Variants in LMOD3 observed in about 807,000 individuals in gnomAD.
LMOD3 encodes leiomodin-3.
A neutral mutation model predicts 41.8 loss-of-function variants in LMOD3; 31 were observed. That is an observed-to-expected ratio of 0.74 (90% CI 0.56 to 1.00). The LOEUF is 1.00. Among genes scored for constraint, LMOD3 ranks in the 50% least tolerant of loss-of-function variants. The pLI is 0.00. For synonymous variants in LMOD3, 292 were observed against 241.9 expected (o/e 1.21, Z -1.92); for missense variants, 755 against 679.5 (o/e 1.11, Z -1.23).
At position 69,122,135 on chromosome 3, in the gene LMOD3, C is replaced by A; in HGVS notation, c.252G>T (p.Met84Ile). ...TGACAGGAACTCGTTCCTCTTCCAG[C>A]ATGCGCCTGGATGCCTTTTCCCAAT... ...YMYWEKASRR[M>I]LEEERVPVTF... The change falls in exon 1 of 3, where the codon ATG (methionine) becomes ATT (isoleucine). Residue 84 changes from methionine to isoleucine, a missense_variant. Transcript: ENST00000420581. 1.2e-6 allele frequency: 2 copies of A among 1,612,742 alleles called. No homozygotes were observed. The highest frequency in any genetic ancestry group is 2.2e-5 in the South Asian group (2 of 90,736).
In LMOD3 at chr3:69,108,056, G is replaced by C. The variant is rs747000777; in HGVS notation, c.*1039C>G. The C allele has an allele frequency of 6.6e-6, 1 of 152,148 alleles. No homozygotes were observed. The highest frequency in any genetic ancestry group is 2.4e-5 in the African/African-American group (1 of 41,422). 9.4% of individuals were successfully genotyped at this position (152,148 alleles called of 1,614,324 possible). A position where few individuals can be genotyped will look rare whatever the true frequency, so the allele number is the denominator to read the frequency against. ...AGGGTGTGCACAAGGATGTTTCATCGAGTAGAGTATAAAGGATTTGTGGGA... is the reference window on the plus strand; with the variant it reads ...AGGGTGTGCACAAGGATGTTTCATCCAGTAGAGTATAAAGGATTTGTGGGA... On this transcript the variant is annotated 3_prime_UTR_variant, in exon 3 of 3. Coordinates refer to ENST00000420581, the MANE Select transcript of LMOD3 (RefSeq NM_198271.5).
chr3:69,115,507 C>A (rs1359229849), intron 2 of LMOD3, among the ~76,000 whole-genome samples: 3 of 126,356 alleles, frequency 2.4e-5, no homozygotes, highest in Non-Finnish European at 5.2e-5. Flanking sequence ...CACACACACA[C>A]ACACACACAC....
In LMOD3 at chr3:69,117,833, G is replaced by GCTTTTT. The variant is rs1553687593; in HGVS notation, c.1656+865_1656+866insAAAAAG. ...ACAAACAACTGGCCCAATTTGGGTG[G>GCTTTTT]TTTTTTTTTTTTTTTTTTAGATGGA... On this transcript the variant is annotated intron_variant, in intron 2 of 2. Transcript: ENST00000420581. Among the ~76,000 whole-genome samples the GCTTTTT allele has an allele frequency of 2.3e-4, 30 of 132,158 alleles. 1 individual carries two copies. In the Admixed American group the frequency reaches 2.3e-3, roughly 10 times the overall value. The allele number at this position is 132,158 out of a possible 152,430, so 86.7% of individuals were successfully genotyped here. A position where few individuals can be genotyped will look rare whatever the true frequency, so the allele number is the denominator to read the frequency against.
In LMOD3 at chr3:69,122,384, CATT is replaced by C. The variant is rs749434195; in HGVS notation, c.-1_2del. 6.4e-7 allele frequency: 1 copy of C among 1,559,156 alleles called. No individual in the cohort carries two copies. Among genetic ancestry groups the C allele is most frequent in the Non-Finnish European group, 8.7e-7 (1 of 1,149,744 alleles). ...GATCTGAATTTCTGCTGTGCTCTGA[CATT>C]ATTTTTTCTAAATATTATTTTACTA... On this transcript the variant is annotated start_lost and start_retained_variant and 5_prime_UTR_variant, in exon 1 of 3. Coordinates refer to ENST00000420581, the MANE Select transcript of LMOD3 (RefSeq NM_198271.5).
intron 1 of LMOD3, among the ~76,000 whole-genome samples, 200 bp from the exon 2 acceptor site, chr3:69,120,260 ATTAATT>A (rs1191762735): frequency 6.6e-6 from 1 of 152,154 alleles, no homozygotes; most frequent in Non-Finnish European, 1.5e-5. Context: ...AGGAAACCTT[ATTAATT>A]TTAATATTCT....
chr3:69,122,140 G>C lies in LMOD3; in HGVS notation c.247C>G (p.Arg83Gly). 13 of 1,612,496 alleles carry C rather than the reference G, an allele frequency of 8.1e-6. No individual in the cohort carries two copies. Among genetic ancestry groups the C allele is most frequent in the Non-Finnish European group, 1.1e-5 (13 of 1,179,280 alleles). ...GGAACTCGTTCCTCTTCCAGCATGC[G>C]CCTGGATGCCTTTTCCCAATACATA... ...DYMYWEKASRRMLEEERVPVT... is the reference protein window; with the variant it reads ...DYMYWEKASRGMLEEERVPVT... The change falls in exon 1 of 3, where the codon CGC becomes GGC. Residue 83 changes from arginine (R) to glycine (G), a missense_variant. Arg to Gly is a moderately radical substitution (Grantham distance 125). Transcript: ENST00000420581.
At chr3:69,109,226 G>A in intron 2 of LMOD3, 105 bp from the exon 3 acceptor site, 1 of 1,071,430 alleles carries the variant, frequency 9.3e-7, no homozygotes, top group Non-Finnish European at 1.4e-6. Context: ...TACAGAATAG[G>A]TTTGAAATTC....
At chr3:69,111,425 G>A (rs58682315) in intron 2 of LMOD3, among the ~76,000 whole-genome samples, 1,883 of 152,242 alleles carry the variant, frequency 0.012, 49 homozygotes, top group African/African-American at 0.042. Context: ...CATGAGCCAG[G>A]TATTTAAAAT....
In LMOD3 at chr3:69,122,331, T is replaced by C. The variant is rs769663073; in HGVS notation, c.56A>G (p.Asn19Ser). The part of the protein sequence containing the change: ...DQEELLDEEI[N>S]EDEILANLSA... ...CAAGTTGGCCAAGATTTCATCTTCA[T>C]TAATCTCCTCATCGAGAAGTTCTTC... Residue 19 changes from asparagine (N) to serine (S), a missense_variant, in exon 1 of 3, where the codon AAT becomes AGT. Asn to Ser is a conservative substitution (Grantham distance 46). Coordinates refer to ENST00000420581, the MANE Select transcript of LMOD3 (RefSeq NM_198271.5). The C allele has an allele frequency of 5.0e-6, 8 of 1,613,008 alleles. No individual in the cohort carries two copies. The highest frequency in any genetic ancestry group is 6.8e-6 in the Non-Finnish European group (8 of 1,179,294).
intron 2 of LMOD3, among the ~76,000 whole-genome samples, chr3:69,113,530 A>G (rs558751360): frequency 1.3e-5 from 2 of 152,328 alleles, no homozygotes; most frequent in South Asian, 4.1e-4. Context: ...AACAACCCCT[A>G]ATGTGTCATG....
At position 69,119,211 on chromosome 3, in the gene LMOD3, G is replaced by A. The variant is rs74350755; in HGVS notation, c.1144C>T (p.Pro382Ser). 2,215 of 1,613,864 alleles carry A rather than the reference G, an allele frequency of 1.4e-3. 27 individuals carry two copies. In the African/African-American group the frequency reaches 0.025, roughly 18 times the overall value. ...KMGYHFELPG[P>S]RMVVTNLLTR... Reference sequence around the variant, plus strand: ...AGCAGATTAGTGACCACCATTCTGGGACCCGGAAGCTCAAAATGGTAGCCC... The same window carrying A: ...AGCAGATTAGTGACCACCATTCTGGAACCCGGAAGCTCAAAATGGTAGCCC... Residue 382 changes from proline (P) to serine (S), a missense_variant, in exon 2 of 3, where the codon CCC (proline) becomes TCC (serine). By Grantham distance (74) the Pro-to-Ser change is moderately conservative. Coordinates refer to ENST00000420581, the MANE Select transcript of LMOD3 (RefSeq NM_198271.5).
Position 69,107,076 on chromosome 3 carries a change from G to A in LMOD3, c.*2019C>T, listed in dbSNP as rs2092325945. ...AAAGTGCTTTTCCTATCAGAGTTTA[G>A]CCTCTTAGATGTAGTATGTGCTAGA... On this transcript the variant is annotated 3_prime_UTR_variant, in exon 3 of 3. Coordinates refer to ENST00000420581, the MANE Select transcript of LMOD3 (RefSeq NM_198271.5). 1.3e-5 allele frequency: 2 copies of A among 151,858 alleles called. No homozygotes were observed. The highest frequency in any genetic ancestry group is 4.8e-5 in the African/African-American group (2 of 41,370). The allele number at this position is 151,858 out of a possible 1,614,324, so 9.4% of individuals were successfully genotyped here. A position where few individuals can be genotyped will look rare whatever the true frequency, so the allele number is the denominator to read the frequency against.
chr3:69,118,997 C>A lies in LMOD3; in HGVS notation c.1358G>T (p.Arg453Leu). The change falls in exon 2 of 3, where the codon CGG (arginine) becomes CTG (leucine). Residue 453 changes from arginine (R) to leucine (L), a missense_variant. Coordinates refer to ENST00000420581, the MANE Select transcript of LMOD3 (RefSeq NM_198271.5). ...MQEFFQPPPPRPPNPQNVPFS... is the reference protein window; with the variant it reads ...MQEFFQPPPPLPPNPQNVPFS... ...GGGGACATTTTGGGGGTTGGGAGGC[C>A]GAGGTGGCGGTGGCTGGAAGAATTC... is the stretch of plus-strand genomic sequence containing the variant. The A allele has an allele frequency of 1.2e-6, 2 of 1,613,422 alleles. No homozygotes were observed. The highest frequency in any genetic ancestry group is 8.5e-7 in the Non-Finnish European group (1 of 1,179,790).
At position 69,119,377 on chromosome 3, in the gene LMOD3, C is replaced by T; in HGVS notation, c.978G>A (p.Gly326=). 6.2e-7 allele frequency: 1 copy of T among 1,613,976 alleles called. No individual in the cohort carries two copies. The highest frequency in any genetic ancestry group is 8.5e-7 in the Non-Finnish European group (1 of 1,179,882). Residue 326 remains glycine (G), a synonymous_variant, in exon 2 of 3, where the codon GGG becomes GGA. Transcript: ENST00000420581. ...NIESNFITGK[G]IVAIMRCLQF... ...GGAGACACCTCATGATGGCCACAATCCCTTTACCTGTGATGAAATTGGACT... is the reference window on the plus strand; with the variant it reads ...GGAGACACCTCATGATGGCCACAATTCCTTTACCTGTGATGAAATTGGACT...
chr3:69,113,699 C>T (rs767508448), intron 2 of LMOD3, among the ~76,000 whole-genome samples: 27 of 152,260 alleles, frequency 1.8e-4, no homozygotes, highest in Admixed American at 2.6e-4. Context: ...AGTTATCTTG[C>T]GTGATTGGCA....
intron 2 of LMOD3, among the ~76,000 whole-genome samples, chr3:69,113,931 T>TA (rs2092360331): frequency 6.6e-6 from 1 of 152,216 alleles, no homozygotes. Context: ...TCAGCTTTAT[T>TA]AACTCATAGG....
chr3:69,113,021 C>G (rs1449944917), intron 2 of LMOD3, among the ~76,000 whole-genome samples: 1 of 152,156 alleles, frequency 6.6e-6, no homozygotes, highest in Non-Finnish European at 1.5e-5. Context: ...CCTATGGAGG[C>G]TCCCTTCATT....
At chr3:69,111,940 AC>A in intron 2 of LMOD3, among the ~76,000 whole-genome samples, 1 of 152,388 alleles carries the variant, frequency 6.6e-6, no homozygotes, top group Non-Finnish European at 1.5e-5. Context: ...TTAAAAATTA[AC>A]CCTTTAATCT....
rs758216222 is a variant in LMOD3 at position 69,119,917 on chromosome 3, T to G, written c.438A>C (p.Glu146Asp). 2 of 1,553,224 alleles carry G rather than the reference T, an allele frequency of 1.3e-6. No individual in the cohort carries two copies. Among genetic ancestry groups the G allele is most frequent in the South Asian group, 2.4e-5 (2 of 85,014 alleles). ...CATCATCATCTTCTTCTTCTTCATCTTCTTCATCTGTTTCTTGGATATTGC... is the reference window on the plus strand; with the variant it reads ...CATCATCATCTTCTTCTTCTTCATCGTCTTCATCTGTTTCTTGGATATTGC... Reference protein sequence around the residue: ...GSSNIQETDEEDEEEEDDDDD... With the variant: ...GSSNIQETDEDDEEEEDDDDD... The change falls in exon 2 of 3, where the codon GAA becomes GAC. Residue 146 changes from glutamate to aspartate, a missense_variant. Coordinates refer to ENST00000420581, the MANE Select transcript of LMOD3 (RefSeq NM_198271.5).
Sources: gnomAD v4.1 joint callset for allele counts (sites outside exome capture counted in the v4.1 genomes callset) on GRCh38, gnomAD v4.1.1 for gene constraint, MANE v1.5 for transcripts, NCBI Gene and HGNC (gene_info 2026-07-23, HGNC 2026-07-21) for gene names.